CWF19L1: variants seen among roughly 807,000 people sequenced by gnomAD.
CWF19L1 encodes CWF19 like cell cycle control factor 1, also known as CWF19-like protein 1.
CWF19L1 carries 60 observed loss-of-function variants against 69.7 expected under a neutral mutation model. That is an observed-to-expected ratio of 0.86 (90% CI 0.70 to 1.07). The LOEUF is 1.07. Among genes scored for constraint, CWF19L1 ranks in the 50% least tolerant of loss-of-function variants. The probability of loss-of-function intolerance (pLI) is 0.00; values close to 1 mark genes in which losing one functional copy is unlikely to be tolerated. For missense variants in CWF19L1, 591 were observed against 638.9 expected, an observed-to-expected ratio of 0.92 and a Z score of 0.81; for synonymous variants, 209 against 222.2, an observed-to-expected ratio of 0.94 and a Z score of 0.53.
intron 4 of CWF19L1, among the ~76,000 whole-genome samples, chr10:100,259,893 G>A (rs950600283): frequency 5.9e-5 from 9 of 152,140 alleles, no homozygotes; most frequent in African/African-American, 1.4e-4. Flanking sequence ...TCGGCCAGGC[G>A]CGGTGGCTCA....
At position 100,233,162 on chromosome 10, in the gene CWF19L1, T is replaced by C; in HGVS notation, c.*65A>G. 1 of 1,466,284 alleles carries C rather than the reference T, an allele frequency of 6.8e-7. No homozygotes were observed. Among genetic ancestry groups the C allele is most frequent in the Non-Finnish European group, 9.1e-7 (1 of 1,093,450 alleles). The allele number at this position is 1,466,284 out of a possible 1,614,324, so 90.8% of individuals were successfully genotyped here. ...GACTTTGTCTCAAAAAAAATTCTTTTAATTAAAAAAAAAAAAAAGCTTTAC... is the reference window on the plus strand; with the variant it reads ...GACTTTGTCTCAAAAAAAATTCTTTCAATTAAAAAAAAAAAAAAGCTTTAC... On this transcript the variant is annotated 3_prime_UTR_variant, in exon 14 of 14. Transcript: ENST00000354105.
chr10:100,259,375 G>A (rs1330175126), intron 4 of CWF19L1, among the ~76,000 whole-genome samples: 2 of 152,092 alleles, frequency 1.3e-5, no homozygotes, highest in African/African-American at 2.4e-5. Context: ...GAACTGAAGA[G>A]TGTACCTAGA....
intron 6 of CWF19L1, among the ~76,000 whole-genome samples, chr10:100,250,870 C>A (rs1847003857): frequency 6.6e-6 from 1 of 151,566 alleles, no homozygotes; most frequent in African/African-American, 2.4e-5. Flanking sequence ...ATCACTTGAG[C>A]CCACGAGGTT....
At chr10:100,238,932 CA>C (rs397845145) in intron 10 of CWF19L1, among the ~76,000 whole-genome samples, 3,533 of 68,544 alleles carry the variant, frequency 0.052, 81 homozygotes, top group African/African-American at 0.2. Context: ...ACTCCGTCTC[CA>C]AAAAAAAAAA....
At chr10:100,261,886 T>C (rs1589634266) in intron 2 of CWF19L1, 93 bp downstream of exon 2, 1 of 1,067,246 alleles carries the variant, frequency 9.4e-7, no homozygotes, top group East Asian at 2.6e-5. Flanking sequence ...ACAAAAATGG[T>C]ATGTGTTCAA....
Position 100,239,581 on chromosome 10 carries a change from G to C in CWF19L1, c.1045-1350C>G, listed in dbSNP as rs77031167. Among the ~76,000 whole-genome samples the C allele has an allele frequency of 5.0e-3, 755 of 152,326 alleles. 18 individuals are homozygous for C. The East Asian group carries it at 0.059, about 12-fold the overall frequency. ...TTGAACCTGGAAGGCGGAGGTTACA[G>C]TGAGCCGAGATCGTGCCACTGCACT... On this transcript the variant is annotated intron_variant, in intron 10 of 13. Transcript: ENST00000354105.
At chr10:100,234,134 T>C (rs1479353590) in intron 13 of CWF19L1, 3 of 152,208 alleles carry the variant, frequency 2.0e-5, no homozygotes, top group African/African-American at 4.8e-5. Context: ...CTATTACACA[T>C]TTATATGGTT....
intron 13 of CWF19L1, 188 bp from the exon 14 acceptor site, chr10:100,233,559 C>T (rs1846342356): frequency 2.3e-6 from 1 of 428,598 alleles, no homozygotes; most frequent in African/African-American, 2.0e-5. Flanking sequence ...TTTCCTGATC[C>T]TTCAAACCCC....
intron 5 of CWF19L1, among the ~76,000 whole-genome samples, chr10:100,255,798 C>A (rs1326254010): frequency 6.7e-6 from 1 of 148,946 alleles, no homozygotes; most frequent in Non-Finnish European, 1.5e-5. Flanking sequence ...GGCGTGGTGG[C>A]GCATGCCTAT....
chr10:100,246,802 G>C lies in CWF19L1; in HGVS notation c.842C>G (p.Ala281Gly). ...QEASIGKQIL[A>G]PVEESACQFF... ...CCCTCAATCAGAACATACCACAGGG[G>C]CAAGAATTTGCTTTCCTATGGATGC... Residue 281 changes from alanine (A) to glycine (G), a missense_variant, in exon 8 of 14, where the codon GCC becomes GGC. Transcript: ENST00000354105. The C allele has an allele frequency of 6.2e-7, 1 of 1,613,282 alleles. No individual in the cohort carries two copies. The highest frequency in any genetic ancestry group is 8.5e-7 in the Non-Finnish European group (1 of 1,179,442).
At chr10:100,267,385 G>A (rs1271862403) in intron 1 of CWF19L1, 186 bp downstream of exon 1, 2 of 978,634 alleles carry the variant, frequency 2.0e-6, no homozygotes, top group African/African-American at 3.5e-5. Context: ...CCCCTCAGAA[G>A]CGAAAAGGGC....
rs985600511 is a variant in CWF19L1, at chr10:100,256,317, T to C, written c.449A>G (p.Asp150Gly). 1 of 1,613,980 alleles carries C rather than the reference T, an allele frequency of 6.2e-7. No homozygotes were observed. Among genetic ancestry groups the C allele is most frequent in the East Asian group, 2.2e-5 (1 of 44,878 alleles). ...LCTTSQFKGV[D>G]ILLTSPWPKC... ...GGGCCATGGGGATGTGAGCAAGATA[T>C]CAACACCCTTAAACTGGGAGGTTGT... Residue 150 changes from aspartate to glycine, a missense_variant, in exon 5 of 14, where the codon GAT becomes GGT. By Grantham distance (94) the Asp-to-Gly change is moderately conservative. Transcript: ENST00000354105.
chr10:100,248,536 T>C (rs1846909111), intron 7 of CWF19L1: 3 of 709,638 alleles, frequency 4.2e-6, no homozygotes, highest in African/African-American at 1.7e-5. Context: ...AACATCACGG[T>C]GCACATGGGG....
Position 100,267,561 on chromosome 10 carries a change from G to A in CWF19L1, c.23+10C>T. 1.2e-5 allele frequency: 19 copies of A among 1,614,122 alleles called. No individual in the cohort carries two copies. The highest frequency in any genetic ancestry group is 1.5e-5 in the Non-Finnish European group (18 of 1,180,026). On this transcript the variant is annotated intron_variant, in intron 1 of 13. Coordinates refer to ENST00000354105, the MANE Select transcript of CWF19L1 (RefSeq NM_018294.6). The stretch of plus-strand genomic sequence containing the variant: ...CACAGGGAGAGAGGCTTCCATTCAC[G>A]GTCACTCACAGGCGCAGCGGTTTCT...
At chr10:100,233,415 T>C in intron 13 of CWF19L1, 44 bp from the exon 14 acceptor site, 1 of 1,590,844 alleles carries the variant, frequency 6.3e-7, no homozygotes, top group Non-Finnish European at 8.6e-7. Flanking sequence ...ACTATCAGCC[T>C]GAGCTCTCCT....
At chr10:100,250,052 C>T in intron 7 of CWF19L1, 196 bp downstream of exon 7, 2 of 593,572 alleles carry the variant, frequency 3.4e-6, no homozygotes. Context: ...TTTCCCAAAC[C>T]CTTCTTTAAA....
In CWF19L1 at chr10:100,256,298, T is replaced by C. The variant is rs1438518948; in HGVS notation, c.468A>G (p.Pro156=). The part of the protein sequence containing the change: ...FKGVDILLTS[P]WPKCVGNFGN... Reference sequence around the variant, plus strand: ...CAAAGTTCCCCACACACTTGGGCCATGGGGATGTGAGCAAGATATCAACAC... The same window carrying C: ...CAAAGTTCCCCACACACTTGGGCCACGGGGATGTGAGCAAGATATCAACAC... The change falls in exon 5 of 14, where the codon CCA becomes CCG. Residue 156 remains proline (P), a synonymous_variant. Transcript: ENST00000354105. The C allele has an allele frequency of 2.5e-6, 4 of 1,614,126 alleles. No individual in the cohort carries two copies. The highest frequency in any genetic ancestry group is 3.4e-6 in the Non-Finnish European group (4 of 1,179,974).
chr10:100,267,086 T>G (rs185941617), intron 1 of CWF19L1, among the ~76,000 whole-genome samples: 260 of 149,118 alleles, frequency 1.7e-3, no homozygotes, highest in African/African-American at 6.3e-3. Context: ...ACTGCAGTTC[T>G]TCAATAAATA....
At chr10:100,246,681 T>A in intron 8 of CWF19L1, 114 bp downstream of exon 8, 1 of 1,092,670 alleles carries the variant, frequency 9.2e-7, no homozygotes, top group South Asian at 2.1e-5. Context: ...ATCATCATGA[T>A]TTCCCAAGGG....
Sources: gnomAD v4.1 joint callset for allele counts (sites outside exome capture counted in the v4.1 genomes callset) on GRCh38, gnomAD v4.1.1 for gene constraint, MANE v1.5 for transcripts, NCBI Gene and HGNC (gene_info 2026-07-23, HGNC 2026-07-21) for gene names.